ARHGEF12: variants seen among roughly 807,000 people sequenced by gnomAD.
The protein encoded by ARHGEF12 is KMT2A/ARHGEF12 fusion protein.
Under a neutral mutation model 211.2 loss-of-function variants are expected in ARHGEF12, and 66 were observed. That is an observed-to-expected ratio of 0.31 (90% CI 0.26 to 0.38). The LOEUF is 0.38. Ranked by LOEUF, ARHGEF12 falls within the 10% of genes least tolerant of loss-of-function variation. The pLI is 1.00. For missense variants in ARHGEF12, 1,429 were observed against 1,869.5 expected (o/e 0.76, Z 4.34); for synonymous variants, 592 against 638.4 (o/e 0.93, Z 1.09).
chr11:120,472,095 G>A (rs673974), intron 30 of ARHGEF12, among the ~76,000 whole-genome samples: 4,387 of 152,044 alleles, frequency 0.029, 97 homozygotes, highest in Non-Finnish European at 0.043. Flanking sequence ...TGCTAATGTG[G>A]AACAGTCCCC....
In ARHGEF12 at chr11:120,369,473, T is replaced by G. The variant is rs372093058; in HGVS notation, c.32+32198T>G. Among the ~76,000 whole-genome samples, 21 of 152,316 alleles carry G rather than the reference T, an allele frequency of 1.4e-4. No individual in the cohort carries two copies. In the South Asian group the frequency reaches 3.3e-3, roughly 24 times the overall value. On this transcript the variant is annotated intron_variant, in intron 1 of 40. Coordinates refer to ENST00000397843, the MANE Select transcript of ARHGEF12 (RefSeq NM_015313.3). ...GAAAACTTATAATACATTTCAGAGATAAAGGAGAGCTATTTCAGAACTGGT... is the reference window on the plus strand; with the variant it reads ...GAAAACTTATAATACATTTCAGAGAGAAAGGAGAGCTATTTCAGAACTGGT...
chr11:120,457,634 A>G, intron 23 of ARHGEF12, 87 bp from the exon 24 acceptor site: 1 of 919,896 alleles, frequency 1.1e-6, no homozygotes, highest in East Asian at 2.6e-5. Flanking sequence ...AAGCTGCTGG[A>G]GTTTAACCTA....
chr11:120,347,789 C>T (rs994572189), intron 1 of ARHGEF12, among the ~76,000 whole-genome samples: 9 of 151,978 alleles, frequency 5.9e-5, no homozygotes, highest in East Asian at 1.9e-4. Context: ...CTAGGATTAC[C>T]GTTTCACAGG....
chr11:120,376,286 A>G (rs1943721020), intron 1 of ARHGEF12, among the ~76,000 whole-genome samples: 2 of 151,998 alleles, frequency 1.3e-5, no homozygotes, highest in South Asian at 4.1e-4. Flanking sequence ...TTCAGATTGT[A>G]TTTTCAAATT....
chr11:120,489,477 C>CT lies in ARHGEF12; in HGVS notation c.*4401dup, dbSNP rs1947480643. The CT allele has an allele frequency of 4.5e-6, 1 of 223,406 alleles. No individual in the cohort carries two copies. The highest frequency in any genetic ancestry group is 8.9e-6 in the Non-Finnish European group (1 of 111,932). 13.8% of individuals were successfully genotyped at this position (223,406 alleles called of 1,614,324 possible). On this transcript the variant is annotated 3_prime_UTR_variant, in exon 41 of 41. Coordinates refer to ENST00000397843, the MANE Select transcript of ARHGEF12 (RefSeq NM_015313.3). ...CCTACCCTAAATGAAGCATATGCCTCTATTTTTCCTGTCCCCAGTGCTGGG... is the reference window on the plus strand; with the variant it reads ...CCTACCCTAAATGAAGCATATGCCTCTTATTTTTCCTGTCCCCAGTGCTGGG...
chr11:120,389,813 A>T (rs571595749), intron 1 of ARHGEF12, among the ~76,000 whole-genome samples: 3 of 152,204 alleles, frequency 2.0e-5, no homozygotes, highest in Non-Finnish European at 4.4e-5. Context: ...TTCACTTACC[A>T]TAATGACGTC....
chr11:120,469,351 A>T lies in ARHGEF12; in HGVS notation c.2918A>T (p.Tyr973Phe), dbSNP rs2305013. The change falls in exon 30 of 41, where the codon TAT becomes TTT. Residue 973 changes from tyrosine (Y) to phenylalanine (F), a missense_variant. Around this residue, in one of 7 missense-constraint regions of ARHGEF12, gnomAD observed 223 missense variants for 444.6 expected, o/e 0.50. Coordinates refer to ENST00000397843, the MANE Select transcript of ARHGEF12 (RefSeq NM_015313.3). The stretch of plus-strand genomic sequence containing the variant: ...GATCACTGTCGTCAGATCTTAAATT[A>T]TGTAAATCAGGCTGTCAAGGAGGCA... ...AADHCRQILN[Y>F]VNQAVKEAEN... The T allele has an allele frequency of 0.055, 88,644 of 1,612,994 alleles. 3,097 individuals are homozygous for T. The highest frequency in any genetic ancestry group is 0.14 in the East Asian group (6,416 of 44,822).
At chr11:120,363,231 A>T (rs1201889010) in intron 1 of ARHGEF12, among the ~76,000 whole-genome samples, 2 of 152,234 alleles carry the variant, frequency 1.3e-5, no homozygotes, top group Non-Finnish European at 2.9e-5. Flanking sequence ...TCCTGCTTTA[A>T]CTATTCTTTT....
chr11:120,417,958 C>T (rs555969111), intron 4 of ARHGEF12, among the ~76,000 whole-genome samples: 2 of 152,210 alleles, frequency 1.3e-5, no homozygotes, highest in Admixed American at 1.3e-4. Flanking sequence ...ATCACCTGAC[C>T]TCATTACAAT....
intron 28 of ARHGEF12, among the ~76,000 whole-genome samples, chr11:120,466,931 T>C (rs1946720727): frequency 6.6e-6 from 1 of 152,230 alleles, no homozygotes; most frequent in Non-Finnish European, 1.5e-5. Flanking sequence ...AAGGAAGCGA[T>C]ACGTAGAGCT....
chr11:120,382,404 T>C (rs533841529), intron 1 of ARHGEF12, among the ~76,000 whole-genome samples: 45 of 152,378 alleles, frequency 3.0e-4, no homozygotes, highest in African/African-American at 1.1e-3. Flanking sequence ...GTGAATAAAC[T>C]ACAGTTTTAA....
At chr11:120,381,759 G>A (rs764974959) in intron 1 of ARHGEF12, among the ~76,000 whole-genome samples, 5 of 152,134 alleles carry the variant, frequency 3.3e-5, no homozygotes, top group Non-Finnish European at 7.3e-5. Flanking sequence ...AATGTACAGC[G>A]CAGATCCTGC....
Position 120,445,436 on chromosome 11 carries a change from T to C in ARHGEF12, c.1317T>C (p.Ser439=), listed in dbSNP as rs781415631. Residue 439 remains serine, a synonymous_variant, in exon 16 of 41, where the codon TCT becomes TCC. Coordinates refer to ENST00000397843, the MANE Select transcript of ARHGEF12 (RefSeq NM_015313.3). ...FLDRSAHLKV[S]VPDEMSADLE... is the part of the protein sequence containing the mutation. ...TTTCATTTTAGCACCTGAAAGTTTC[T>C]GTTCCTGATGAAATGTCTGCAGATC... The C allele has an allele frequency of 6.2e-7, 1 of 1,614,190 alleles. No individual in the cohort carries two copies. The highest frequency in any genetic ancestry group is 1.7e-5 in the Admixed American group (1 of 60,030).
At chr11:120,353,136 G>C (rs1204650793) in intron 1 of ARHGEF12, among the ~76,000 whole-genome samples, 2 of 152,172 alleles carry the variant, frequency 1.3e-5, no homozygotes, top group Admixed American at 6.5e-5. Context: ...GTCTATCTCA[G>C]AACCTTCAGA....
intron 1 of ARHGEF12, among the ~76,000 whole-genome samples, chr11:120,353,448 G>A (rs1174815137): frequency 6.6e-6 from 1 of 152,146 alleles, no homozygotes; most frequent in African/African-American, 2.4e-5. Context: ...AACAGCAACA[G>A]ACTCTTGCGG....
intron 1 of ARHGEF12, among the ~76,000 whole-genome samples, chr11:120,351,430 TATATATATATATATATATATATATA>T (rs1296721273): frequency 0.19 from 745 of 3,872 alleles, 21 homozygotes; most frequent in African/African-American, 0.35. Context: ...TATATATATA[TATATATATATATATATATATATATA>T]TTTTTTTTTT....
At chr11:120,364,111 T>C (rs1241650199) in intron 1 of ARHGEF12, among the ~76,000 whole-genome samples, 1 of 152,134 alleles carries the variant, frequency 6.6e-6, no homozygotes, top group Non-Finnish European at 1.5e-5. Flanking sequence ...GCCTGACTCT[T>C]ACTCACTTTT....
At chr11:120,338,969 A>G (rs1017562844) in intron 1 of ARHGEF12, among the ~76,000 whole-genome samples, 1 of 150,624 alleles carries the variant, frequency 6.6e-6, no homozygotes, top group Admixed American at 6.6e-5. Context: ...CATTCAATAA[A>G]TATGAAATTA....
At chr11:120,459,364 A>G in intron 26 of ARHGEF12, 44 bp downstream of exon 26, 1 of 1,583,756 alleles carries the variant, frequency 6.3e-7, no homozygotes, top group South Asian at 1.2e-5. Context: ...CATTTCCAAT[A>G]GAGAAAAGAT....
Sources: allele counts gnomAD v4.1 joint callset (sites outside exome capture counted in the v4.1 genomes callset), GRCh38; gene constraint gnomAD v4.1.1; regional missense constraint gnomAD v4.1.1; transcripts MANE v1.5; gene names NCBI Gene and HGNC (gene_info 2026-07-23, HGNC 2026-07-21).